GPC6: variants seen among roughly 807,000 people sequenced by gnomAD.
GPC6 encodes the protein glypican 6, also known as glypican-6.
A neutral mutation model predicts 55.2 loss-of-function variants in GPC6; 14 were observed. The observed-to-expected ratio is 0.25, with a 90% CI of 0.17 to 0.40. The LOEUF is 0.40. GPC6 is among the 10% of genes least tolerant of loss of function. The pLI, the probability that GPC6 is intolerant of heterozygous loss-of-function variation, is 1.00. For synonymous variants in GPC6, 278 were observed against 259.6 expected, an observed-to-expected ratio of 1.07 and a Z score of -0.68; for missense variants, 641 against 708.5, an observed-to-expected ratio of 0.90 and a Z score of 1.08.
At chr13:93,649,991 G>A (rs1010884276) in intron 2 of GPC6, among the ~76,000 whole-genome samples, 5 of 152,126 alleles carry the variant, frequency 3.3e-5, no homozygotes, top group Admixed American at 6.6e-5. Context: ...GTCTTCAGGA[G>A]TAGATTTGTG....
At chr13:94,032,802 C>G (rs940860031) in intron 4 of GPC6, among the ~76,000 whole-genome samples, 8 of 152,140 alleles carry the variant, frequency 5.3e-5, no homozygotes, top group African/African-American at 1.9e-4. Context: ...TTCAAACTTG[C>G]CAATTATTAA....
At chr13:93,945,757 C>T (rs2140367873) in intron 3 of GPC6, among the ~76,000 whole-genome samples, 1 of 152,324 alleles carries the variant, frequency 6.6e-6, no homozygotes, top group South Asian at 2.1e-4. Flanking sequence ...CAGTCCCACA[C>T]TTTCACTGAT....
At chr13:93,637,307 G>A (rs1879740038) in intron 2 of GPC6, among the ~76,000 whole-genome samples, 1 of 151,966 alleles carries the variant, frequency 6.6e-6, no homozygotes, top group Non-Finnish European at 1.5e-5. Flanking sequence ...ATAATTATTT[G>A]TGCTCCTTGG....
At chr13:93,340,968 C>A (rs1880235362) in intron 1 of GPC6, among the ~76,000 whole-genome samples, 2 of 152,064 alleles carry the variant, frequency 1.3e-5, no homozygotes, top group Admixed American at 6.6e-5. Context: ...TCCTTTGCAA[C>A]CTCATACCTT....
chr13:93,416,702 A>G (rs748051094), intron 1 of GPC6, among the ~76,000 whole-genome samples: 7 of 151,872 alleles, frequency 4.6e-5, no homozygotes, highest in South Asian at 2.1e-4. Context: ...TCAACCCTCC[A>G]CTACCCTTCC....
At chr13:93,898,274 A>T (rs375156459) in intron 3 of GPC6, among the ~76,000 whole-genome samples, 1 of 152,170 alleles carries the variant, frequency 6.6e-6, no homozygotes. Context: ...ATAATGGTGC[A>T]ATAAATACGG....
chr13:94,100,700 A>G (rs748859702), intron 4 of GPC6, among the ~76,000 whole-genome samples: 1 of 152,168 alleles, frequency 6.6e-6, no homozygotes, highest in African/African-American at 2.4e-5. Flanking sequence ...CTATGTTTCC[A>G]TCTATCTCTG....
intron 4 of GPC6, among the ~76,000 whole-genome samples, chr13:94,087,254 G>A (rs192347845): frequency 3.3e-5 from 5 of 152,282 alleles, no homozygotes; most frequent in African/African-American, 1.2e-4. Flanking sequence ...ATCAGAGGGC[G>A]GAGACCTGCA....
At chr13:93,878,796 G>A (rs1347372724) in intron 3 of GPC6, among the ~76,000 whole-genome samples, 1 of 152,068 alleles carries the variant, frequency 6.6e-6, no homozygotes, top group African/African-American at 2.4e-5. Flanking sequence ...GGACTACCCA[G>A]CCCTTAGAAC....
At chr13:93,341,347 T>A (rs1361648115) in intron 1 of GPC6, among the ~76,000 whole-genome samples, 2 of 152,230 alleles carry the variant, frequency 1.3e-5, no homozygotes, top group Admixed American at 1.3e-4. Flanking sequence ...GTGGTTGTAC[T>A]AGTTTACATT....
chr13:93,528,921 A>G (rs549865713), intron 1 of GPC6, among the ~76,000 whole-genome samples: 210 of 152,270 alleles, frequency 1.4e-3, no homozygotes, highest in Non-Finnish European at 2.6e-3. Context: ...AGCTAAACCT[A>G]TCTAAATGAG....
At chr13:93,334,737 G>A (rs986012920) in intron 1 of GPC6, among the ~76,000 whole-genome samples, 29 of 152,180 alleles carry the variant, frequency 1.9e-4, no homozygotes, top group Non-Finnish European at 2.8e-4. Flanking sequence ...AAAGTGTTGC[G>A]ATTGCAGGCG....
At chr13:93,437,501 A>T (rs1877617467) in intron 1 of GPC6, among the ~76,000 whole-genome samples, 1 of 152,224 alleles carries the variant, frequency 6.6e-6, no homozygotes, top group Non-Finnish European at 1.5e-5. Flanking sequence ...CTTATTGCTG[A>T]TATGTAGAAG....
intron 1 of GPC6, among the ~76,000 whole-genome samples, chr13:93,447,680 A>G (rs1878058462): frequency 6.6e-6 from 1 of 152,232 alleles, no homozygotes; most frequent in Non-Finnish European, 1.5e-5. Context: ...TATAAACTAA[A>G]TTATCAGTCC....
intron 2 of GPC6, among the ~76,000 whole-genome samples, chr13:93,546,531 G>A (rs186354820): frequency 1.3e-5 from 2 of 152,320 alleles, no homozygotes; most frequent in Admixed American, 1.3e-4. Flanking sequence ...TTCTGCAAGT[G>A]TGTTTCAACA....
intron 1 of GPC6, among the ~76,000 whole-genome samples, chr13:93,439,131 A>G (rs1180979556): frequency 2.0e-5 from 3 of 152,168 alleles, no homozygotes; most frequent in African/African-American, 7.2e-5. Flanking sequence ...TATTATAAAC[A>G]TATCTTATAT....
chr13:93,852,377 G>C (rs1462910265), intron 3 of GPC6, among the ~76,000 whole-genome samples: 1 of 151,672 alleles, frequency 6.6e-6, no homozygotes, highest in Non-Finnish European at 1.5e-5. Flanking sequence ...TCTGTTCTCT[G>C]TATTCTCTCC....
At chr13:93,716,683 TGAAA>T (rs951956564) in intron 2 of GPC6, among the ~76,000 whole-genome samples, 12 of 151,706 alleles carry the variant, frequency 7.9e-5, no homozygotes, top group African/African-American at 2.4e-4. Context: ...TTATTATTGA[TGAAA>T]GAAAGTTTAT....
chr13:93,422,495 G>A (rs760227883), intron 1 of GPC6, among the ~76,000 whole-genome samples: 1 of 152,118 alleles, frequency 6.6e-6, no homozygotes, highest in Non-Finnish European at 1.5e-5. Flanking sequence ...AATTTTAAGA[G>A]CTAAAATAAT....
Sources: allele counts gnomAD v4.1 joint callset (sites outside exome capture counted in the v4.1 genomes callset), GRCh38; gene constraint gnomAD v4.1.1; transcripts MANE v1.5; gene names NCBI Gene and HGNC (gene_info 2026-07-23, HGNC 2026-07-21).